Variants in RBFOX1 observed in about 807,000 individuals in gnomAD.
RBFOX1 encodes RNA binding protein fox-1 homolog 1.
RBFOX1 carries 8 observed loss-of-function variants against 57.7 expected under a neutral mutation model. That is an observed-to-expected ratio of 0.14 (90% CI 0.08 to 0.25). RBFOX1 has a LOEUF of 0.25. Ranked by LOEUF, RBFOX1 falls within the 10% of genes least tolerant of loss-of-function variation. The pLI is 1.00. For missense variants in RBFOX1, 611 were observed against 548.5 expected (o/e 1.11, Z -1.14); for synonymous variants, 326 against 222.4 (o/e 1.47, Z -4.15).
At chr16:6,265,743 T>A (rs1186984260) in intron 1 of RBFOX1, among the ~76,000 whole-genome samples, 3 of 152,184 alleles carry the variant, frequency 2.0e-5, no homozygotes, top group Non-Finnish European at 4.4e-5. Flanking sequence ...CTCAACTGCC[T>A]TCCTTGTACT....
intron 5 of RBFOX1, among the ~76,000 whole-genome samples, chr16:7,548,605 C>T (rs775542536): frequency 7.2e-5 from 11 of 152,322 alleles, no homozygotes; most frequent in Admixed American, 1.3e-4. Context: ...TGCGGTTGCA[C>T]GGATGAGCAG....
At position 7,709,727 on chromosome 16, in the gene RBFOX1, C is replaced by G. The variant is rs796929751; in HGVS notation, c.1071+596C>G. On this transcript the variant is annotated intron_variant, in intron 15 of 15. Coordinates refer to ENST00000550418, the MANE Select transcript of RBFOX1 (RefSeq NM_018723.4). Reference sequence around the variant, plus strand: ...TTGGGGGTTGCCTTTTGTTTTGGGGCAGGTCTGGGTTTTTGTTTTGGGAGG... The same window carrying G: ...TTGGGGGTTGCCTTTTGTTTTGGGGGAGGTCTGGGTTTTTGTTTTGGGAGG... 5 of 1,068,210 alleles carry G rather than the reference C, an allele frequency of 4.7e-6. No individual in the cohort carries two copies. The South Asian group carries it at 1.8e-4, about 38-fold the overall frequency. The allele number at this position is 1,068,210 out of a possible 1,614,324, so 66.2% of individuals were successfully genotyped here.
At chr16:7,228,046 G>A (rs1267966284) in intron 4 of RBFOX1, among the ~76,000 whole-genome samples, 1 of 152,072 alleles carries the variant, frequency 6.6e-6, no homozygotes, top group Non-Finnish European at 1.5e-5. Flanking sequence ...GTGATGACCC[G>A]ACTTTCTCCT....
At chr16:5,869,291 C>G (rs908934671) in intron 4 of RBFOX1, among the ~76,000 whole-genome samples, 2 of 152,132 alleles carry the variant, frequency 1.3e-5, no homozygotes, top group African/African-American at 4.8e-5. Flanking sequence ...CTATGATCTT[C>G]CATCTTTCTT....
intron 1 of RBFOX1, among the ~76,000 whole-genome samples, chr16:5,458,955 C>G (rs2068711650): frequency 6.6e-6 from 1 of 152,190 alleles, no homozygotes; most frequent in Non-Finnish European, 1.5e-5. Context: ...CTCTTCCAGG[C>G]TCTTTTCTCC....
At chr16:6,595,033 C>A (rs76474660) in intron 2 of RBFOX1, among the ~76,000 whole-genome samples, 1 of 152,138 alleles carries the variant, frequency 6.6e-6, no homozygotes, top group African/African-American at 2.4e-5. Flanking sequence ...GTTATCCACC[C>A]GCCTCTGCCT....
At chr16:6,894,446 G>T (rs1008262028) in intron 3 of RBFOX1, among the ~76,000 whole-genome samples, 2 of 152,088 alleles carry the variant, frequency 1.3e-5, no homozygotes, top group African/African-American at 4.8e-5. Flanking sequence ...ATGCCTTCCC[G>T]AATTTGTGCC....
intron 4 of RBFOX1, among the ~76,000 whole-genome samples, chr16:5,973,845 C>T (rs947884821): frequency 6.6e-6 from 1 of 152,166 alleles, no homozygotes; most frequent in African/African-American, 2.4e-5. Context: ...TGGGGCTTAT[C>T]CAAACTTAGC....
At chr16:7,509,542 G>A (rs1301797732) in intron 4 of RBFOX1, among the ~76,000 whole-genome samples, 1 of 152,110 alleles carries the variant, frequency 6.6e-6, no homozygotes, top group Non-Finnish European at 1.5e-5. Flanking sequence ...GCAAAAACTA[G>A]TGCTTGGAGT....
intron 3 of RBFOX1, among the ~76,000 whole-genome samples, chr16:5,618,220 A>G (rs2048098358): frequency 1.3e-5 from 2 of 152,238 alleles, no homozygotes; most frequent in Middle Eastern, 6.8e-3. Context: ...AGTCATAGAG[A>G]TGGAATCCTG....
At chr16:6,980,138 C>T (rs1461734231) in intron 3 of RBFOX1, among the ~76,000 whole-genome samples, 1 of 152,130 alleles carries the variant, frequency 6.6e-6, no homozygotes, top group African/African-American at 2.4e-5. Flanking sequence ...CACCTGAGAA[C>T]CTTAATCCCT....
At chr16:7,399,044 G>A (rs568447454) in intron 4 of RBFOX1, among the ~76,000 whole-genome samples, 2 of 152,304 alleles carry the variant, frequency 1.3e-5, no homozygotes, top group East Asian at 1.9e-4. Context: ...TGACTGTTGG[G>A]TACTCTGCTC....
intron 3 of RBFOX1, among the ~76,000 whole-genome samples, chr16:5,734,192 G>A (rs2052489444): frequency 6.6e-6 from 1 of 152,284 alleles, no homozygotes; most frequent in Non-Finnish European, 1.5e-5. Flanking sequence ...GGCCAGACAT[G>A]GTGGCTTATG....
chr16:5,957,840 A>T (rs1238561197), intron 4 of RBFOX1, among the ~76,000 whole-genome samples: 1 of 152,100 alleles, frequency 6.6e-6, no homozygotes, highest in East Asian at 1.9e-4. Flanking sequence ...TCTTTTAGTT[A>T]TTTGGAAATG....
chr16:6,154,844 A>C (rs1469991053), intron 1 of RBFOX1, among the ~76,000 whole-genome samples: 6 of 152,264 alleles, frequency 3.9e-5, no homozygotes, highest in Non-Finnish European at 7.3e-5. Context: ...ATATAAGAAC[A>C]AATACAAAAC....
chr16:7,459,008 C>G (rs1401972242), intron 4 of RBFOX1, among the ~76,000 whole-genome samples: 3 of 152,020 alleles, frequency 2.0e-5, no homozygotes, highest in African/African-American at 7.3e-5. Context: ...ATGATTAAAC[C>G]TATGAATGGA....
At chr16:6,582,075 C>G (rs2097544147) in intron 2 of RBFOX1, among the ~76,000 whole-genome samples, 1 of 152,090 alleles carries the variant, frequency 6.6e-6, no homozygotes, top group African/African-American at 2.4e-5. Flanking sequence ...AGCTCCCCAC[C>G]CAACAAAGAA....
intron 3 of RBFOX1, among the ~76,000 whole-genome samples, chr16:6,670,680 A>G (rs2098758390): frequency 1.3e-5 from 2 of 152,216 alleles, no homozygotes; most frequent in East Asian, 3.9e-4. Context: ...ACCTTTTCCC[A>G]TATTGGTGAT....
intron 4 of RBFOX1, among the ~76,000 whole-genome samples, chr16:7,172,384 G>C (rs2080870940): frequency 6.6e-6 from 1 of 152,116 alleles, no homozygotes; most frequent in Admixed American, 6.6e-5. Context: ...CTTCCCACTA[G>C]TGTGTTTATA....
Sources: allele counts gnomAD v4.1 joint callset (sites outside exome capture counted in the v4.1 genomes callset), GRCh38; gene constraint gnomAD v4.1.1; transcripts MANE v1.5; gene names NCBI Gene and HGNC (gene_info 2026-07-23, HGNC 2026-07-21).